RASGRF2: variants seen among roughly 807,000 people sequenced by gnomAD.
RASGRF2 encodes the protein ras-specific guanine nucleotide-releasing factor 2.
Under a neutral mutation model 151.0 loss-of-function variants are expected in RASGRF2, and 76 were observed. That is an observed-to-expected ratio of 0.50 (90% CI 0.42 to 0.61). The LOEUF is 0.61. RASGRF2 is among the 20% of genes least tolerant of loss of function. RASGRF2 has a pLI of 0.00. For missense variants in RASGRF2, 1,148 were observed against 1,564.6 expected (o/e 0.73, Z 4.49); for synonymous variants, 504 against 566.5 (o/e 0.89, Z 1.57).
chr5:81,168,678 T>C (rs1754572884), intron 17 of RASGRF2, among the ~76,000 whole-genome samples: 1 of 152,186 alleles, frequency 6.6e-6, no homozygotes, highest in Non-Finnish European at 1.5e-5. Flanking sequence ...CAAAGCACAA[T>C]GTGTTGAAAA....
At chr5:81,216,826 A>G (rs1755750904) in intron 24 of RASGRF2, 1 of 291,376 alleles carries the variant, frequency 3.4e-6, no homozygotes, top group Admixed American at 4.2e-5. Context: ...CTCTCTAAAA[A>G]CCAAACAAAA....
chr5:81,126,962 A>G (rs1753472381), intron 16 of RASGRF2, 112 bp from the exon 17 acceptor site: 1 of 1,108,152 alleles, frequency 9.0e-7, no homozygotes, highest in South Asian at 1.5e-5. Context: ...GAGATAATAC[A>G]GGGCATTTGG....
chr5:81,116,066 C>CTTTTTTTTTTTTTTTTTTT (rs575647502), intron 15 of RASGRF2, among the ~76,000 whole-genome samples: 1 of 49,042 alleles, frequency 2.0e-5, no homozygotes, highest in Non-Finnish European at 3.9e-5. Flanking sequence ...AATGCCATTT[C>CTTTTTTTTTTTTTTTTTTT]TTTTTTTTTT....
chr5:81,112,987 C>T, intron 14 of RASGRF2, 129 bp downstream of exon 14: 1 of 1,189,172 alleles, frequency 8.4e-7, no homozygotes, highest in Non-Finnish European at 1.2e-6. Context: ...TCTGAATGTA[C>T]CATGCCCCTC....
intron 1 of RASGRF2, among the ~76,000 whole-genome samples, chr5:81,006,968 A>G (rs1749290424): frequency 6.6e-6 from 1 of 152,046 alleles, no homozygotes; most frequent in Non-Finnish European, 1.5e-5. Flanking sequence ...GCATTCTCCT[A>G]AAAATGGTTT....
chr5:81,162,970 A>G (rs1754422235), intron 17 of RASGRF2, among the ~76,000 whole-genome samples: 1 of 152,008 alleles, frequency 6.6e-6, no homozygotes, highest in Non-Finnish European at 1.5e-5. Flanking sequence ...TGGCCCATCA[A>G]GGGGGCTGCT....
intron 1 of RASGRF2, among the ~76,000 whole-genome samples, chr5:80,981,818 G>A (rs186872343): frequency 2.6e-5 from 4 of 152,046 alleles, no homozygotes; most frequent in East Asian, 1.9e-4. Context: ...CACCTGCCTC[G>A]GCCTCCAAAG....
intron 1 of RASGRF2, among the ~76,000 whole-genome samples, chr5:81,033,007 GCAAA>G (rs1489295894): frequency 6.6e-6 from 1 of 151,830 alleles, no homozygotes; most frequent in Non-Finnish European, 1.5e-5. Flanking sequence ...CCAATAACAG[GCAAA>G]CAGAGAGCCA....
At position 81,162,521 on chromosome 5, in the gene RASGRF2, T is replaced by A. The variant is rs181227149; in HGVS notation, c.2687-17654T>A. On this transcript the variant is annotated intron_variant, in intron 17 of 26. Coordinates refer to ENST00000265080, the MANE Select transcript of RASGRF2 (RefSeq NM_006909.3). Reference sequence around the variant, plus strand: ...TGCCACCACGCCCGGTTAATTTTTGTATATTTTAGTAGAGACGGGTTTCAC... The same window carrying A: ...TGCCACCACGCCCGGTTAATTTTTGAATATTTTAGTAGAGACGGGTTTCAC... Among the ~76,000 whole-genome samples, 17 of 152,136 alleles carry A rather than the reference T, an allele frequency of 1.1e-4. 1 individual carries two copies. In the East Asian group the frequency reaches 3.1e-3, roughly 28 times the overall value.
chr5:81,074,036 T>A (rs1751864954), intron 5 of RASGRF2, among the ~76,000 whole-genome samples: 1 of 152,222 alleles, frequency 6.6e-6, no homozygotes, highest in Non-Finnish European at 1.5e-5. Context: ...ATATAATCAC[T>A]CATAAACTGA....
intron 1 of RASGRF2, among the ~76,000 whole-genome samples, chr5:81,013,332 A>G (rs933296433): frequency 6.6e-6 from 1 of 152,150 alleles, no homozygotes; most frequent in African/African-American, 2.4e-5. Flanking sequence ...CCTCTCTGCG[A>G]TTCCCACCTT....
At chr5:81,057,783 T>C (rs252592) in intron 2 of RASGRF2, among the ~76,000 whole-genome samples, 125,386 of 151,844 alleles carry the variant, frequency 0.83, 52,827 homozygotes, top group Non-Finnish European at 0.92. Flanking sequence ...TCACTTGAGC[T>C]CAGGAGTTCA....
At chr5:80,983,964 T>C (rs1043929685) in intron 1 of RASGRF2, among the ~76,000 whole-genome samples, 5 of 152,236 alleles carry the variant, frequency 3.3e-5, no homozygotes, top group Admixed American at 3.3e-4. Context: ...ATTTCTGTTG[T>C]CCAGTGCTGA....
intron 22 of RASGRF2, among the ~76,000 whole-genome samples, chr5:81,208,812 A>C (rs1755569945): frequency 6.6e-6 from 1 of 151,816 alleles, no homozygotes; most frequent in South Asian, 2.1e-4. Context: ...CAGCCTCCCA[A>C]AGTGTTGGGA....
At chr5:81,103,904 C>A (rs1000678708) in intron 12 of RASGRF2, among the ~76,000 whole-genome samples, 1 of 151,674 alleles carries the variant, frequency 6.6e-6, no homozygotes, top group African/African-American at 2.4e-5. Flanking sequence ...AATGAACGAA[C>A]TATGCATATA....
chr5:80,977,764 T>A (rs1482723495), intron 1 of RASGRF2, among the ~76,000 whole-genome samples: 1 of 152,156 alleles, frequency 6.6e-6, no homozygotes, highest in Non-Finnish European at 1.5e-5. Context: ...GCCCAAAATG[T>A]TATTTTAAAT....
At chr5:81,084,756 A>G (rs1435449412) in intron 7 of RASGRF2, among the ~76,000 whole-genome samples, 1 of 152,184 alleles carries the variant, frequency 6.6e-6, no homozygotes, top group East Asian at 1.9e-4. Context: ...GGGTCCTGGA[A>G]AGCTGTTGTA....
chr5:81,208,534 CTTTTTTTTTTTTTTTT>C (rs71000806), intron 22 of RASGRF2, 96 bp downstream of exon 22: 4,036 of 250,812 alleles, frequency 0.016, 20 homozygotes, highest in East Asian at 0.045. Context: ...CTGTCACCCA[CTTTTTTTTTTTTTTTT>C]TTTTTTTTTT....
chr5:81,084,686 A>G (rs561749537), intron 7 of RASGRF2, among the ~76,000 whole-genome samples: 36 of 152,324 alleles, frequency 2.4e-4, no homozygotes, highest in African/African-American at 7.7e-4. Context: ...ACAAGAGCCA[A>G]TGCAGATCCC....
Sources: gnomAD v4.1 joint callset for allele counts (sites outside exome capture counted in the v4.1 genomes callset) on GRCh38, gnomAD v4.1.1 for gene constraint, MANE v1.5 for transcripts, NCBI Gene and HGNC (gene_info 2026-07-23, HGNC 2026-07-21) for gene names.